Variants in RYR2 observed in about 807,000 individuals in gnomAD.
RYR2 encodes the protein ryanodine receptor 2.
A neutral mutation model predicts 601.1 loss-of-function variants in RYR2; 227 were observed. The ratio of observed to expected loss-of-function variants is 0.38; its 90% CI spans 0.34 to 0.42. The LOEUF (loss-of-function observed/expected upper bound fraction) is 0.42, where lower values mean the gene tolerates loss of function less well. Ranked by LOEUF, RYR2 falls within the 10% of genes least tolerant of loss-of-function variation. RYR2 has a pLI of 1.00. For synonymous variants in RYR2, 2,223 were observed against 2,175.1 expected, an observed-to-expected ratio of 1.02 and a Z score of -0.61; for missense variants, 4,646 against 6,156.5, an observed-to-expected ratio of 0.75 and a Z score of 8.21.
At chr1:237,651,184 A>G (rs932477441) in intron 50 of RYR2, among the ~76,000 whole-genome samples, 3 of 152,238 alleles carry the variant, frequency 2.0e-5, no homozygotes, top group African/African-American at 4.8e-5. Context: ...TCTGTATCAA[A>G]GAAGGGGTGG....
chr1:237,611,793 T>C (rs1020386759), intron 36 of RYR2, among the ~76,000 whole-genome samples: 2 of 152,194 alleles, frequency 1.3e-5, no homozygotes, highest in African/African-American at 2.4e-5. Context: ...CATTTTTATA[T>C]CTTTAGATGT....
At chr1:237,642,272 AAG>A (rs1366523260) in intron 47 of RYR2, among the ~76,000 whole-genome samples, 2 of 152,180 alleles carry the variant, frequency 1.3e-5, no homozygotes, top group African/African-American at 4.8e-5. Flanking sequence ...GTTGTGAACA[AAG>A]AGGAGTCACA....
chr1:237,726,400 T>C, intron 75 of RYR2, 92 bp downstream of exon 75: 1 of 800,864 alleles, frequency 1.2e-6, no homozygotes, highest in Non-Finnish European at 2.1e-6. Context: ...ATCTCTTTCT[T>C]CTCTTAGAGT....
At chr1:237,184,572 T>TAG in intron 1 of RYR2, among the ~76,000 whole-genome samples, 1 of 152,272 alleles carries the variant, frequency 6.6e-6, no homozygotes, top group East Asian at 1.9e-4. Flanking sequence ...GCAGAGTAAA[T>TAG]AGTCTTTGAC....
Position 237,701,373 on chromosome 1 carries a change from A to T in RYR2, c.9368-605A>T, listed in dbSNP as rs1030138696. Among the ~76,000 whole-genome samples, 9 of 152,142 alleles carry T rather than the reference A, an allele frequency of 5.9e-5. 1 individual carries two copies. Among genetic ancestry groups the T allele is most frequent in the Admixed American group, 2.0e-4 (3 of 15,282 alleles). On this transcript the variant is annotated intron_variant, in intron 65 of 104. Coordinates refer to ENST00000366574, the MANE Select transcript of RYR2 (RefSeq NM_001035.3). ...TGGTGAAACCCCGTCTCTACTAAAAATACAAAAATTAGCTGGGCATGATGG... is the reference window on the plus strand; with the variant it reads ...TGGTGAAACCCCGTCTCTACTAAAATTACAAAAATTAGCTGGGCATGATGG...
chr1:237,241,398 A>C (rs1686145174), intron 1 of RYR2, among the ~76,000 whole-genome samples: 2 of 152,240 alleles, frequency 1.3e-5, no homozygotes, highest in Admixed American at 1.3e-4. Context: ...TAAATGCTTC[A>C]TATTAAATAT....
At chr1:237,394,373 A>C (rs1414688063) in intron 10 of RYR2, among the ~76,000 whole-genome samples, 1 of 152,164 alleles carries the variant, frequency 6.6e-6, no homozygotes, top group Non-Finnish European at 1.5e-5. Flanking sequence ...AAACATACCT[A>C]TTTTCCCTTG....
chr1:237,118,734 G>A (rs1439518377), intron 1 of RYR2, among the ~76,000 whole-genome samples: 2 of 152,070 alleles, frequency 1.3e-5, no homozygotes, highest in African/African-American at 2.4e-5. Flanking sequence ...CTCCCGAGTA[G>A]CTGGGACTAC....
intron 101 of RYR2, among the ~76,000 whole-genome samples, chr1:237,821,015 G>T (rs1438990960): frequency 6.6e-6 from 1 of 152,182 alleles, no homozygotes. Context: ...AAAAAAGGCA[G>T]CAATCCTAGT....
chr1:237,547,324 T>C (rs1669934976), intron 25 of RYR2, among the ~76,000 whole-genome samples: 1 of 152,154 alleles, frequency 6.6e-6, no homozygotes, highest in Non-Finnish European at 1.5e-5. Context: ...CATTTATTTT[T>C]AAAAGCATTT....
intron 1 of RYR2, among the ~76,000 whole-genome samples, chr1:237,108,642 G>C (rs1669045642): frequency 1.3e-5 from 2 of 152,202 alleles, no homozygotes; most frequent in Admixed American, 1.3e-4. Flanking sequence ...GCTGAGAGAG[G>C]CCGGGAGTGT....
intron 23 of RYR2, among the ~76,000 whole-genome samples, chr1:237,509,072 T>C (rs533766008): frequency 6.6e-6 from 1 of 152,240 alleles, no homozygotes; most frequent in East Asian, 1.9e-4. Context: ...GATAATACAG[T>C]ACCGTGGGGC....
At chr1:237,110,198 C>T (rs9428662) in intron 1 of RYR2, among the ~76,000 whole-genome samples, 47,323 of 151,902 alleles carry the variant, frequency 0.31, 7,894 homozygotes, top group East Asian at 0.52. Flanking sequence ...CTTGTTAAAA[C>T]GCAGATTGCT....
intron 25 of RYR2, among the ~76,000 whole-genome samples, chr1:237,532,116 C>G (rs1400374414): frequency 6.6e-6 from 1 of 151,338 alleles, no homozygotes; most frequent in Non-Finnish European, 1.5e-5. Flanking sequence ...AATTTTCCTC[C>G]TGAGTTATCA....
chr1:237,371,056 A>G (rs1700601583), intron 6 of RYR2, among the ~76,000 whole-genome samples: 1 of 152,130 alleles, frequency 6.6e-6, no homozygotes, highest in Non-Finnish European at 1.5e-5. Flanking sequence ...TCACACTAAT[A>G]GGAAAAAACT....
intron 1 of RYR2, among the ~76,000 whole-genome samples, chr1:237,164,249 G>A (rs116715694): frequency 0.035 from 5,290 of 152,208 alleles, 308 homozygotes; most frequent in African/African-American, 0.12. Context: ...ATTGCGCCTG[G>A]GCCACAGAGT....
intron 1 of RYR2, among the ~76,000 whole-genome samples, chr1:237,206,557 A>G (rs1681845464): frequency 6.6e-6 from 1 of 152,234 alleles, no homozygotes; most frequent in East Asian, 1.9e-4. Flanking sequence ...TATACATATA[A>G]TACTAAAAGA....
chr1:237,103,848 C>T (rs184390669), intron 1 of RYR2, among the ~76,000 whole-genome samples: 3 of 152,308 alleles, frequency 2.0e-5, no homozygotes, highest in Admixed American at 6.5e-5. Context: ...GGATTACAGG[C>T]GTGAGCCACC....
At chr1:237,221,087 TTC>T (rs1683756336) in intron 1 of RYR2, among the ~76,000 whole-genome samples, 1 of 151,816 alleles carries the variant, frequency 6.6e-6, no homozygotes, top group African/African-American at 2.4e-5. Flanking sequence ...CAGAGTGAGA[TTC>T]TGTCTCAAAA....
Sources: allele counts gnomAD v4.1 joint callset (sites outside exome capture counted in the v4.1 genomes callset), GRCh38; gene constraint gnomAD v4.1.1; transcripts MANE v1.5; gene names NCBI Gene and HGNC (gene_info 2026-07-23, HGNC 2026-07-21).